The following MLIP variants were observed in gnomAD, a reference collection of about 807,000 sequenced individuals.
MLIP encodes muscular LMNA-interacting protein.
In MLIP, 79 loss-of-function variants were observed where a neutral mutation model predicts 84.8. The observed-to-expected ratio is 0.93, with a 90% CI of 0.78 to 1.12. The LOEUF (loss-of-function observed/expected upper bound fraction) is 1.12, where lower values mean the gene tolerates loss of function less well. Ranked by LOEUF, MLIP falls within the 50% of genes most tolerant of loss-of-function variation. MLIP has a pLI of 0.00. For missense variants in MLIP, 1,257 were observed against 1,160.6 expected, an observed-to-expected ratio of 1.08 and a Z score of -1.21; for synonymous variants, 504 against 463.0, an observed-to-expected ratio of 1.09 and a Z score of -1.14.
At chr6:54,097,909 C>T (rs1432637717) in intron 1 of MLIP, among the ~76,000 whole-genome samples, 3 of 152,078 alleles carry the variant, frequency 2.0e-5, no homozygotes, top group Non-Finnish European at 4.4e-5. Context: ...TCAAATTCCC[C>T]AATCCGATGA....
chr6:54,114,578 T>C (rs1769747115), intron 1 of MLIP, among the ~76,000 whole-genome samples: 1 of 152,218 alleles, frequency 6.6e-6, no homozygotes, highest in Non-Finnish European at 1.5e-5. Context: ...TGCAGCAAAC[T>C]ACATTCAACT....
intron 9 of MLIP, among the ~76,000 whole-genome samples, chr6:54,182,238 C>G (rs1045167244): frequency 1.3e-5 from 2 of 152,200 alleles, no homozygotes; most frequent in Non-Finnish European, 2.9e-5. Context: ...CAAATGCTCT[C>G]TCCATCTGTG....
At chr6:54,091,416 T>C (rs895380374) in intron 1 of MLIP, among the ~76,000 whole-genome samples, 2 of 152,198 alleles carry the variant, frequency 1.3e-5, no homozygotes, top group African/African-American at 4.8e-5. Flanking sequence ...TATTGAGTTA[T>C]CAGCATATCC....
intron 12 of MLIP, among the ~76,000 whole-genome samples, chr6:54,249,430 G>A (rs1309832643): frequency 1.3e-5 from 2 of 151,632 alleles, no homozygotes; most frequent in African/African-American, 4.8e-5. Flanking sequence ...TTGATATTTG[G>A]CCTAATACAG....
chr6:54,216,966 T>C (rs1046564762), intron 11 of MLIP: 8 of 985,422 alleles, frequency 8.1e-6, no homozygotes, highest in Non-Finnish European at 9.6e-6. Context: ...TAGCAAGGTG[T>C]TGATTTAAAT....
rs1771931668 is a variant in MLIP at position 54,137,635 on chromosome 6, T to A, written c.1566T>A (p.Asn522Lys). 6.5e-7 allele frequency: 1 copy of A among 1,536,092 alleles called. No homozygotes were observed. The highest frequency in any genetic ancestry group is 1.4e-5 in the African/African-American group (1 of 73,158). Residue 522 changes from asparagine to lysine, a missense_variant, in exon 4 of 14, where the codon AAT becomes AAA. Transcript: ENST00000502396. ...KQASSSLASMNVERTPSPTLK... is the reference protein window; with the variant it reads ...KQASSSLASMKVERTPSPTLK... Reference sequence around the variant, plus strand: ...CTAGTAGCAGCCTTGCTTCCATGAATGTAGAGAGAACACCATCACCTACTT... The same window carrying A: ...CTAGTAGCAGCCTTGCTTCCATGAAAGTAGAGAGAACACCATCACCTACTT...
rs1482175082 is a variant in MLIP at position 54,259,198 on chromosome 6, T to C, written c.2976+1837T>C. On this transcript the variant is annotated intron_variant, in intron 13 of 13. Transcript: ENST00000502396. ...TGTTGAGTGGTAAACTCCATTTTTA[T>C]ATATTAAAGTTAATAACTTTTTGTC... Among the ~76,000 whole-genome samples the C allele has an allele frequency of 3.3e-5, 5 of 151,992 alleles. No individual in the cohort carries two copies. In the South Asian group the frequency reaches 8.3e-4, roughly 25 times the overall value.
chr6:54,187,573 T>C (rs1407976068), intron 9 of MLIP, among the ~76,000 whole-genome samples: 3 of 152,190 alleles, frequency 2.0e-5, no homozygotes, highest in African/African-American at 7.2e-5. Context: ...ATGTTAAACA[T>C]ACTAACATGC....
intron 3 of MLIP, among the ~76,000 whole-genome samples, chr6:54,133,371 A>G (rs941746203): frequency 6.6e-6 from 1 of 152,206 alleles, no homozygotes; most frequent in Non-Finnish European, 1.5e-5. Context: ...GGACAAATCA[A>G]TAATAGCTAA....
chr6:54,093,785 T>C (rs961692077), intron 1 of MLIP, among the ~76,000 whole-genome samples: 2 of 152,208 alleles, frequency 1.3e-5, no homozygotes, highest in Admixed American at 6.5e-5. Context: ...TATTGGAACA[T>C]AGGCACACCT....
At chr6:54,244,151 CT>C (rs1407246356) in intron 12 of MLIP, among the ~76,000 whole-genome samples, 2 of 152,086 alleles carry the variant, frequency 1.3e-5, no homozygotes, top group Non-Finnish European at 2.9e-5. Flanking sequence ...TGTTTATGTT[CT>C]AACTTTATGT....
intron 5 of MLIP, 133 bp downstream of exon 5, chr6:54,149,260 A>G (rs1227168644): frequency 1.3e-6 from 1 of 790,500 alleles, no homozygotes. Flanking sequence ...TTCTTAGTTT[A>G]GGATGATGTG....
intron 1 of MLIP, among the ~76,000 whole-genome samples, chr6:54,052,207 A>G (rs555612311): frequency 1.4e-4 from 21 of 152,272 alleles, no homozygotes; most frequent in African/African-American, 4.8e-4. Context: ...ACTGGGTCCC[A>G]GAGAAGAAAT....
At chr6:54,168,226 A>G (rs1054811527) in intron 8 of MLIP, among the ~76,000 whole-genome samples, 4 of 151,824 alleles carry the variant, frequency 2.6e-5, no homozygotes, top group African/African-American at 9.7e-5. Context: ...CTCTTTATCT[A>G]GAATACTACC....
chr6:54,138,122 A>C lies in MLIP; in HGVS notation c.2053A>C (p.Ser685Arg). 6.5e-7 allele frequency: 1 copy of C among 1,536,122 alleles called. No individual in the cohort carries two copies. The highest frequency in any genetic ancestry group is 8.7e-7 in the Non-Finnish European group (1 of 1,146,884). ...SPSALHPHCG[S>R]GTLPSRLGKS... ...CTCAGCTCTGCACCCACATTGCGGC[A>C]GTGGTACCTTGCCTTCAAGACTTGG... Residue 685 changes from serine to arginine, a missense_variant, in exon 4 of 14, where the codon AGT becomes CGT. Ser to Arg is a moderately radical substitution (Grantham distance 110). Transcript: ENST00000502396.
intron 1 of MLIP, among the ~76,000 whole-genome samples, chr6:54,058,305 C>T (rs1765775436): frequency 6.6e-6 from 1 of 152,104 alleles, no homozygotes; most frequent in Non-Finnish European, 1.5e-5. Context: ...ACTGGGGTTA[C>T]AGTGGTAAAA....
At chr6:54,052,188 T>A (rs1765413935) in intron 1 of MLIP, among the ~76,000 whole-genome samples, 1 of 152,168 alleles carries the variant, frequency 6.6e-6, no homozygotes, top group South Asian at 2.1e-4. Context: ...TGTAGCCCTT[T>A]GCTCAATTAC....
intron 1 of MLIP, among the ~76,000 whole-genome samples, chr6:54,080,991 A>T (rs1431402244): frequency 1.3e-5 from 2 of 151,952 alleles, no homozygotes; most frequent in Admixed American, 6.6e-5. Context: ...TTTTTTCATG[A>T]ACTGTATTTC....
chr6:54,133,948 G>A (rs1771598779), intron 3 of MLIP, among the ~76,000 whole-genome samples: 1 of 152,170 alleles, frequency 6.6e-6, no homozygotes, highest in Non-Finnish European at 1.5e-5. Context: ...TAGCTCTAGA[G>A]AGGTGTTTGA....
Sources: allele counts gnomAD v4.1 joint callset (sites outside exome capture counted in the v4.1 genomes callset), GRCh38; gene constraint gnomAD v4.1.1; transcripts MANE v1.5; gene names NCBI Gene and HGNC (gene_info 2026-07-23, HGNC 2026-07-21).